The following CUBN variants were observed in gnomAD, a reference collection of about 807,000 sequenced individuals.
The protein encoded by CUBN is cubilin, also known as 460 kDa receptor.
CUBN carries 282 observed loss-of-function variants against 405.3 expected under a neutral mutation model. That is an observed-to-expected ratio of 0.70 (90% CI 0.63 to 0.77). The LOEUF is 0.77. Ranked by LOEUF, CUBN falls within the 30% of genes least tolerant of loss-of-function variation. The pLI, the probability that CUBN is intolerant of heterozygous loss-of-function variation, is 0.00. For missense variants in CUBN, 4,514 were observed against 4,475.2 expected (o/e 1.01, Z -0.25); for synonymous variants, 1,684 against 1,617.0 (o/e 1.04, Z -0.99).
At chr10:17,027,225 A>G (rs987525027) in intron 27 of CUBN, among the ~76,000 whole-genome samples, 1 of 152,234 alleles carries the variant, frequency 6.6e-6, no homozygotes, top group African/African-American at 2.4e-5. Flanking sequence ...AAAGATACTT[A>G]TCTCAGAACT....
chr10:16,865,473 CA>C (rs150488098), intron 59 of CUBN, among the ~76,000 whole-genome samples: 3,341 of 152,204 alleles, frequency 0.022, 107 homozygotes, highest in African/African-American at 0.075. Context: ...CTCTGGGCAA[CA>C]GGGGCTGGCT....
chr10:17,109,834 G>A (rs183211134), intron 9 of CUBN, 99 bp from the exon 10 acceptor site: 81 of 903,476 alleles, frequency 9.0e-5, no homozygotes, highest in Non-Finnish European at 1.1e-4. Flanking sequence ...ACCAATCAGG[G>A]ATCCTCTATC....
At chr10:16,899,538 T>C (rs1320099454) in intron 53 of CUBN, among the ~76,000 whole-genome samples, 5 of 152,222 alleles carry the variant, frequency 3.3e-5, no homozygotes, top group African/African-American at 7.2e-5. Flanking sequence ...GTTCTGTATT[T>C]TATTACCATT....
At chr10:16,853,483 A>T (rs185440963) in intron 59 of CUBN, among the ~76,000 whole-genome samples, 59 of 152,288 alleles carry the variant, frequency 3.9e-4, no homozygotes, top group South Asian at 8.3e-4. Context: ...CTGTCTGTAA[A>T]TCCAATGGAT....
chr10:16,884,219 T>G (rs1158012383), intron 56 of CUBN, among the ~76,000 whole-genome samples: 1 of 152,142 alleles, frequency 6.6e-6, no homozygotes, highest in Non-Finnish European at 1.5e-5. Context: ...CCTGACCTCA[T>G]GATCCGCCCA....
chr10:16,847,257 CT>C (rs1434373091), intron 60 of CUBN, among the ~76,000 whole-genome samples: 1 of 152,142 alleles, frequency 6.6e-6, no homozygotes, highest in East Asian at 1.9e-4. Flanking sequence ...TCGAGACCAT[CT>C]TGGCTAACAC....
chr10:16,831,548 G>T (rs3740169), intron 64 of CUBN, 131 bp from the exon 65 acceptor site: 1 of 815,312 alleles, frequency 1.2e-6, no homozygotes, highest in Non-Finnish European at 2.0e-6. Flanking sequence ...AGAATGAAGC[G>T]TTTTCTGAAA....
chr10:17,023,884 G>C (rs549520662), intron 27 of CUBN, among the ~76,000 whole-genome samples: 1 of 152,120 alleles, frequency 6.6e-6, no homozygotes, highest in Admixed American at 6.5e-5. Flanking sequence ...TTCAGATGCG[G>C]AGATGTGTAT....
At chr10:16,876,549 G>C (rs1466600883) in intron 57 of CUBN, among the ~76,000 whole-genome samples, 5 of 151,920 alleles carry the variant, frequency 3.3e-5, no homozygotes, top group Non-Finnish European at 5.9e-5. Context: ...AAAATGACTT[G>C]GGGAAACAAA....
intron 48 of CUBN, 25 bp from the exon 49 acceptor site, chr10:16,907,704 C>T (rs1305686143): frequency 6.2e-7 from 1 of 1,610,212 alleles, no homozygotes; most frequent in Non-Finnish European, 8.5e-7. Context: ...GTTTAACCTT[C>T]AGGCACACAA....
chr10:17,010,272 C>T (rs1414409705), intron 28 of CUBN, among the ~76,000 whole-genome samples: 1 of 152,200 alleles, frequency 6.6e-6, no homozygotes. Flanking sequence ...CGGAATACTA[C>T]AGATCATCTG....
At chr10:16,830,357 A>C (rs1838948342) in intron 65 of CUBN, among the ~76,000 whole-genome samples, 1 of 152,208 alleles carries the variant, frequency 6.6e-6, no homozygotes, top group Admixed American at 6.5e-5. Context: ...AGATATTTAA[A>C]GTGAGTTCTG....
intron 28 of CUBN, among the ~76,000 whole-genome samples, chr10:17,010,070 CG>C (rs1278413141): frequency 6.6e-6 from 1 of 152,200 alleles, no homozygotes; most frequent in Non-Finnish European, 1.5e-5. Context: ...TGCAGATTCA[CG>C]GGCCTTGCCC....
chr10:16,832,072 T>C (rs1397409897), intron 64 of CUBN, among the ~76,000 whole-genome samples: 1 of 152,198 alleles, frequency 6.6e-6, no homozygotes, highest in Non-Finnish European at 1.5e-5. Context: ...AGTAGACACA[T>C]ATAAAAACAG....
chr10:16,840,130 G>C (rs1420812511), intron 62 of CUBN, among the ~76,000 whole-genome samples, 200 bp downstream of exon 62: 3 of 151,174 alleles, frequency 2.0e-5, no homozygotes, highest in African/African-American at 7.3e-5. Context: ...GTTAAATGAC[G>C]AGTTAATGGG....
chr10:17,005,801 C>A (rs763494289), intron 28 of CUBN, among the ~76,000 whole-genome samples: 1 of 152,128 alleles, frequency 6.6e-6, no homozygotes, highest in Non-Finnish European at 1.5e-5. Flanking sequence ...TGTATCTCTG[C>A]CAAAATTCAT....
chr10:17,060,501 A>G (rs1004827718), intron 22 of CUBN, among the ~76,000 whole-genome samples: 2 of 152,240 alleles, frequency 1.3e-5, no homozygotes, highest in African/African-American at 4.8e-5. Context: ...ATGATTAAGC[A>G]TTTTGTTGCA....
chr10:16,948,434 C>T (rs1588509454), intron 35 of CUBN, 44 bp downstream of exon 35: 1 of 1,612,118 alleles, frequency 6.2e-7, no homozygotes. Flanking sequence ...GAATTTCTAC[C>T]ACATCCCTTT....
intron 6 of CUBN, among the ~76,000 whole-genome samples, chr10:17,117,360 A>C: frequency 6.6e-6 from 1 of 152,184 alleles, no homozygotes; most frequent in African/African-American, 2.4e-5. Flanking sequence ...ACAATGTTTA[A>C]GAATCTTTTT....
Sources: allele counts gnomAD v4.1 joint callset (sites outside exome capture counted in the v4.1 genomes callset), GRCh38; gene constraint gnomAD v4.1.1; transcripts MANE v1.5; gene names NCBI Gene and HGNC (gene_info 2026-07-23, HGNC 2026-07-21).